LVRN: variants seen among roughly 807,000 people sequenced by gnomAD.
LVRN encodes aminopeptidase Q.
LVRN carries 99 observed loss-of-function variants against 111.4 expected under a neutral mutation model. The ratio of observed to expected loss-of-function variants is 0.89; its 90% CI spans 0.76 to 1.05. The LOEUF (loss-of-function observed/expected upper bound fraction) is 1.05. Among genes scored for constraint, LVRN ranks in the 50% least tolerant of loss-of-function variants. The pLI is 0.00. For synonymous variants in LVRN, 488 were observed against 449.5 expected (o/e 1.09, Z -1.08); for missense variants, 1,414 against 1,206.8 (o/e 1.17, Z -2.54).
chr5:115,986,911 TA>T (rs1747882730), intron 3 of LVRN, among the ~76,000 whole-genome samples: 1 of 152,224 alleles, frequency 6.6e-6, no homozygotes, highest in Non-Finnish European at 1.5e-5. Context: ...TTTCTTAAAT[TA>T]ACGGCATTCA....
At chr5:116,002,468 T>C (rs1487532763) in intron 10 of LVRN, among the ~76,000 whole-genome samples, 1 of 152,232 alleles carries the variant, frequency 6.6e-6, no homozygotes, top group Non-Finnish European at 1.5e-5. Context: ...ACTTTTCACC[T>C]CTCTGGGCAT....
chr5:116,005,646 G>T (rs1472315829), intron 12 of LVRN: 9 of 462,712 alleles, frequency 1.9e-5, no homozygotes, highest in South Asian at 1.0e-4. Context: ...TTTTAACATG[G>T]TATGTTTCAG....
intron 16 of LVRN, 73 bp downstream of exon 16, chr5:116,014,600 C>T (rs1416482322): frequency 8.3e-7 from 1 of 1,210,876 alleles, no homozygotes; most frequent in Non-Finnish European, 1.2e-6. Flanking sequence ...TTGATGTACT[C>T]ACTGTGGGAA....
chr5:115,967,903 T>A (rs973898022), intron 1 of LVRN, among the ~76,000 whole-genome samples: 3 of 152,252 alleles, frequency 2.0e-5, no homozygotes, highest in Non-Finnish European at 2.9e-5. Flanking sequence ...TGCTACTATA[T>A]AGAAATGCTG....
At chr5:116,004,238 A>G (rs920008813) in intron 12 of LVRN, among the ~76,000 whole-genome samples, 2 of 152,234 alleles carry the variant, frequency 1.3e-5, no homozygotes, top group Non-Finnish European at 2.9e-5. Flanking sequence ...TAAAATAACT[A>G]TAAGTAACTA....
chr5:116,015,646 C>T lies in LVRN; in HGVS notation c.2637C>T (p.Ile879=). ...TTTGCAGATATATGGAGTATGCCATCAGCACATCTCCATTCACTTCTAATG... is the reference window on the plus strand; with the variant it reads ...TTTGCAGATATATGGAGTATGCCATTAGCACATCTCCATTCACTTCTAATG... ...WILNRYMEYA[I]STSPFTSNET... The change falls in exon 18 of 20, where the codon ATC becomes ATT. Residue 879 remains isoleucine, a synonymous_variant. Coordinates refer to ENST00000357872, the MANE Select transcript of LVRN (RefSeq NM_173800.5). The T allele has an allele frequency of 6.2e-7, 1 of 1,611,772 alleles. No homozygotes were observed. The highest frequency in any genetic ancestry group is 8.5e-7 in the Non-Finnish European group (1 of 1,179,060).
At chr5:115,976,901 C>T (rs1336679756) in intron 1 of LVRN, among the ~76,000 whole-genome samples, 1 of 152,138 alleles carries the variant, frequency 6.6e-6, no homozygotes, top group Non-Finnish European at 1.5e-5. Flanking sequence ...TGTTTTTAAG[C>T]TCTTTGAGAG....
chr5:115,963,375 G>GACTACCCGGTGCA, intron 1 of LVRN, 63 bp downstream of exon 1: 1 of 1,381,654 alleles, frequency 7.2e-7, no homozygotes, highest in Non-Finnish European at 9.8e-7. Flanking sequence ...TGCAGGCTGC[G>GACTACCCGGTGCA]GGTCCAGCTG....
At chr5:115,973,081 G>A (rs887673770) in intron 1 of LVRN, among the ~76,000 whole-genome samples, 21 of 151,920 alleles carry the variant, frequency 1.4e-4, no homozygotes, top group Non-Finnish European at 1.5e-5. Flanking sequence ...GACACATGCT[G>A]CCATGCCTAG....
In LVRN at chr5:115,962,738, G is replaced by C. The variant is rs780534173; in HGVS notation, c.121G>C (p.Glu41Gln). 6.2e-7 allele frequency: 1 copy of C among 1,612,140 alleles called. No homozygotes were observed. Among genetic ancestry groups the C allele is most frequent in the Admixed American group, 1.7e-5 (1 of 59,966 alleles). The part of the protein sequence containing the change: ...AVLAALYGHC[E>Q]RVPPSELPGL... ...ACTCGCCGCCTTGTACGGCCACTGC[G>C]AGCGCGTCCCACCGTCGGAGCTGCC... Residue 41 changes from glutamate (E) to glutamine (Q), a missense_variant, in exon 1 of 20, where the codon GAG becomes CAG. By Grantham distance (29) the Glu-to-Gln change is conservative (BLOSUM62 2). Coordinates refer to ENST00000357872, the MANE Select transcript of LVRN (RefSeq NM_173800.5).
At chr5:115,974,762 G>T (rs547471852) in intron 1 of LVRN, 1 of 201,506 alleles carries the variant, frequency 5.0e-6, no homozygotes, top group South Asian at 9.3e-5. Context: ...ATGGAAAATT[G>T]TAATTATAGA....
chr5:115,973,321 A>C (rs564026915), intron 1 of LVRN, among the ~76,000 whole-genome samples: 37 of 152,222 alleles, frequency 2.4e-4, no homozygotes, highest in Admixed American at 2.1e-3. Context: ...TTTTGCTTAG[A>C]ATTTTTGCTC....
At chr5:116,001,785 G>A (rs1748244303) in intron 10 of LVRN, among the ~76,000 whole-genome samples, 1 of 152,124 alleles carries the variant, frequency 6.6e-6, no homozygotes, top group South Asian at 2.1e-4. Flanking sequence ...TTCAAATATT[G>A]ACTTCTCAAA....
rs140585448 is a variant in LVRN, at chr5:115,983,292, T to G, written c.701T>G (p.Leu234Arg). Reference sequence around the variant, plus strand: ...TTCCCCAAAATGTATTTCAGGGCCCTGTTAGCGTCCCAGCTGGAACCAACA... The same window carrying G: ...TTCCCCAAAATGTATTTCAGGGCCCGGTTAGCGTCCCAGCTGGAACCAACA... ...VYTDQGERRA[L>R]LASQLEPTFA... The change falls in exon 2 of 20, where the codon CTG becomes CGG. Residue 234 changes from leucine (L) to arginine (R), a missense_variant. Leu to Arg is a moderately radical substitution (Grantham distance 102). Transcript: ENST00000357872. 4.4e-5 allele frequency: 69 copies of G among 1,584,592 alleles called. No individual in the cohort carries two copies. Among genetic ancestry groups the G allele is most frequent in the Non-Finnish European group, 5.9e-5 (69 of 1,171,054 alleles).
At position 116,026,014 on chromosome 5, in the gene LVRN, C is replaced by T; in HGVS notation, c.2869C>T (p.Gln957Ter). ...TTTCAGTAACATGTTGGAGGAACAC[C>T]AGAGGATCAGAGTTCATGCCAACTT... is the stretch of plus-strand genomic sequence containing the variant. ...QFFSNMLEEH[Q>*]RIRVHANLQT... The change falls in exon 20 of 20, where the codon CAG (glutamine) becomes TAG (stop). Residue 957 changes from glutamine (Q) to a stop codon, truncating the protein, a stop_gained. Coordinates refer to ENST00000357872, the MANE Select transcript of LVRN (RefSeq NM_173800.5). LOFTEE classifies it high-confidence loss of function. 1 of 1,613,824 alleles carries T rather than the reference C, an allele frequency of 6.2e-7. No homozygotes were observed. Among genetic ancestry groups the T allele is most frequent in the East Asian group, 2.2e-5 (1 of 44,868 alleles).
At position 116,012,377 on chromosome 5, in the gene LVRN, T is replaced by C. The variant is rs1330786934; in HGVS notation, c.2251T>C (p.Tyr751His). 3.5e-6 allele frequency: 5 copies of C among 1,437,244 alleles called. No individual in the cohort carries two copies. The African/African-American group carries it at 4.3e-5, about 12-fold the overall frequency. The allele number at this position is 1,437,244 out of a possible 1,614,324, so 89.0% of individuals were successfully genotyped here. A position where few individuals can be genotyped will look rare whatever the true frequency, so the allele number is the denominator to read the frequency against. Residue 751 changes from tyrosine to histidine, a missense_variant, in exon 15 of 20, where the codon TAC (tyrosine) becomes CAC (histidine). Transcript: ENST00000357872. The stretch of plus-strand genomic sequence containing the variant: ...GTATTTTCTTTATTGTTTATAGAGG[T>C]ACCTATTAAAGAGACTTAATTTAAT... ...IYDIYSLLKR[Y>H]LLKRLNLIWN...
chr5:116,008,123 C>A (rs998533747), intron 13 of LVRN, among the ~76,000 whole-genome samples: 1 of 152,118 alleles, frequency 6.6e-6, no homozygotes, highest in Admixed American at 6.5e-5. Context: ...GGGTGGATCA[C>A]GAGATCAGGA....
At chr5:116,010,401 C>T (rs758179496) in intron 13 of LVRN, 16 of 371,154 alleles carry the variant, frequency 4.3e-5, no homozygotes, top group Non-Finnish European at 7.5e-5. Flanking sequence ...TAGAGAATGA[C>T]TTCTAATTAA....
rs1748582167 is a variant in LVRN at position 116,015,432 on chromosome 5, A to T, written c.2618+13A>T. 1.3e-6 allele frequency: 2 copies of T among 1,555,482 alleles called. No individual in the cohort carries two copies. The highest frequency in any genetic ancestry group is 2.1e-5 in the Admixed American group (1 of 47,928). On this transcript the variant is annotated intron_variant, in intron 17 of 19. Coordinates refer to ENST00000357872, the MANE Select transcript of LVRN (RefSeq NM_173800.5). The stretch of plus-strand genomic sequence containing the variant: ...GGATACTTAACAGGTGATTATGGTC[A>T]ACTTACCTTGAAAGTTTCTGTTATA...
Sources: gnomAD v4.1 joint callset for allele counts (sites outside exome capture counted in the v4.1 genomes callset) on GRCh38, gnomAD v4.1.1 for gene constraint, MANE v1.5 for transcripts, NCBI Gene and HGNC (gene_info 2026-07-23, HGNC 2026-07-21) for gene names.